AUH: variants seen among roughly 807,000 people sequenced by gnomAD.
AUH encodes the protein AU RNA binding methylglutaconyl-CoA hydratase, also known as methylglutaconyl-CoA hydratase, mitochondrial.
AUH carries 29 observed loss-of-function variants against 42.3 expected under a neutral mutation model. That is an observed-to-expected ratio of 0.69 (90% CI 0.51 to 0.93). The LOEUF is 0.93. Ranked by LOEUF, AUH falls within the 40% of genes least tolerant of loss-of-function variation. The pLI is 0.00. For synonymous variants in AUH, 174 were observed against 166.4 expected (o/e 1.05, Z -0.35); for missense variants, 452 against 438.1 (o/e 1.03, Z -0.28).
intron 6 of AUH, among the ~76,000 whole-genome samples, chr9:91,236,611 T>G (rs916047750): frequency 4.0e-5 from 6 of 151,780 alleles, no homozygotes; most frequent in African/African-American, 1.2e-4. Context: ...TGCTGCAGAG[T>G]GAGAGGCAGG....
intron 6 of AUH, among the ~76,000 whole-genome samples, chr9:91,232,012 A>C (rs956879634): frequency 6.6e-6 from 1 of 152,230 alleles, no homozygotes; most frequent in Non-Finnish European, 1.5e-5. Context: ...TTCTTACCAC[A>C]CAAAAAAAGA....
At chr9:91,278,632 G>C (rs760702913) in intron 6 of AUH, among the ~76,000 whole-genome samples, 1 of 152,206 alleles carries the variant, frequency 6.6e-6, no homozygotes, top group Non-Finnish European at 1.5e-5. Flanking sequence ...TTCTGATTAA[G>C]TGGTTGGTCA....
At chr9:91,313,349 A>G (rs995907392) in intron 4 of AUH, among the ~76,000 whole-genome samples, 8 of 152,324 alleles carry the variant, frequency 5.3e-5, no homozygotes, top group Admixed American at 5.2e-4. Context: ...ATCCATGAAC[A>G]TCCACTGGCC....
rs1832389886 is a variant in AUH at position 91,356,037 on chromosome 9, A to G, written c.330+51T>C. On this transcript the variant is annotated intron_variant, in intron 2 of 9. Transcript: ENST00000375731. ...AAAACAAAACATTTTTACATTGATG[A>G]CAATAATATATCTTAATATTAGAAG... 8 of 1,592,700 alleles carry G rather than the reference A, an allele frequency of 5.0e-6. No individual in the cohort carries two copies. The South Asian group carries it at 5.6e-5, about 11-fold the overall frequency.
chr9:91,285,102 T>C (rs1179636615), intron 6 of AUH, among the ~76,000 whole-genome samples: 1 of 152,058 alleles, frequency 6.6e-6, no homozygotes, highest in African/African-American at 2.4e-5. Context: ...AAATGTGGCA[T>C]ATACACACCA....
At chr9:91,265,427 T>C (rs1829921801) in intron 6 of AUH, among the ~76,000 whole-genome samples, 1 of 152,224 alleles carries the variant, frequency 6.6e-6, no homozygotes, top group Admixed American at 6.5e-5. Flanking sequence ...GTATTAGCTG[T>C]TTCCTTAAGG....
At chr9:91,272,266 G>A (rs891959076) in intron 6 of AUH, among the ~76,000 whole-genome samples, 1 of 152,142 alleles carries the variant, frequency 6.6e-6, no homozygotes, top group Non-Finnish European at 1.5e-5. Context: ...GTATCCAAAT[G>A]TACTTTTAAA....
At chr9:91,282,484 A>C (rs893615637) in intron 6 of AUH, among the ~76,000 whole-genome samples, 11 of 152,126 alleles carry the variant, frequency 7.2e-5, no homozygotes, top group African/African-American at 1.7e-4. Context: ...CCACATCAGC[A>C]CATGACTCAA....
rs553569444 is a variant in AUH, at chr9:91,220,573, A to G, written c.843+232T>C. Among the ~76,000 whole-genome samples, 4 of 152,314 alleles carry G rather than the reference A, an allele frequency of 2.6e-5. No homozygotes were observed. In the South Asian group the frequency reaches 6.2e-4, roughly 24 times the overall value. On this transcript the variant is annotated intron_variant, in intron 7 of 9. Coordinates refer to ENST00000375731, the MANE Select transcript of AUH (RefSeq NM_001698.3). ...GACAAGCATTGTCAAGGGATATTTT[A>G]TCAAAGTGTGGCTACAATAAGACCC...
intron 6 of AUH, among the ~76,000 whole-genome samples, chr9:91,259,433 T>C (rs1490800246): frequency 6.6e-6 from 1 of 152,058 alleles, no homozygotes; most frequent in Non-Finnish European, 1.5e-5. Flanking sequence ...AGGTTGGCTT[T>C]TTTTTTTTAA....
chr9:91,287,342 T>C (rs1390762493), intron 6 of AUH, among the ~76,000 whole-genome samples: 1 of 152,124 alleles, frequency 6.6e-6, no homozygotes, highest in Non-Finnish European at 1.5e-5. Context: ...ATTTATACAC[T>C]GATTAAATAC....
intron 6 of AUH, among the ~76,000 whole-genome samples, chr9:91,227,168 T>G (rs1039084901): frequency 1.7e-4 from 25 of 151,120 alleles, no homozygotes; most frequent in Admixed American, 6.6e-4. Flanking sequence ...ACGATATTGA[T>G]TCTTCCTACC....
chr9:91,280,003 G>A (rs936965697), intron 6 of AUH, among the ~76,000 whole-genome samples: 1 of 152,172 alleles, frequency 6.6e-6, no homozygotes, highest in African/African-American at 2.4e-5. Flanking sequence ...ATGGCATGCT[G>A]ACAGGTACAC....
chr9:91,254,961 C>T (rs1391851185), intron 6 of AUH, among the ~76,000 whole-genome samples: 1 of 152,150 alleles, frequency 6.6e-6, no homozygotes, highest in Non-Finnish European at 1.5e-5. Context: ...ACCTGGTATA[C>T]AGCATAAACT....
In AUH at chr9:91,238,058, A is replaced by G. The variant is rs550727569; in HGVS notation, c.656-17066T>C. ...CACTACATGGGCTACTGGATTGCCA[A>G]CATTTTCAGTGTCCGTTTTATACTA... is the stretch of plus-strand genomic sequence containing the variant. On this transcript the variant is annotated intron_variant, in intron 6 of 9. Transcript: ENST00000375731. Among the ~76,000 whole-genome samples, 5 of 152,332 alleles carry G rather than the reference A, an allele frequency of 3.3e-5. No individual in the cohort carries two copies. In the South Asian group the frequency reaches 1.0e-3, roughly 32 times the overall value.
At chr9:91,229,928 G>C (rs968982414) in intron 6 of AUH, among the ~76,000 whole-genome samples, 7 of 152,176 alleles carry the variant, frequency 4.6e-5, no homozygotes, top group African/African-American at 1.7e-4. Flanking sequence ...GAGATTCGCT[G>C]TTAAGTCTGA....
chr9:91,311,529 T>C (rs917359589), intron 4 of AUH, among the ~76,000 whole-genome samples: 4 of 152,246 alleles, frequency 2.6e-5, no homozygotes, highest in Non-Finnish European at 4.4e-5. Context: ...TAGGTAACAA[T>C]TCTTTGATGT....
chr9:91,347,087 A>G (rs1831569050), intron 3 of AUH, among the ~76,000 whole-genome samples: 2 of 152,004 alleles, frequency 1.3e-5, no homozygotes, highest in African/African-American at 4.8e-5. Context: ...CCCACGCTGG[A>G]GCACAGTGGC....
chr9:91,254,119 C>A (rs572832190), intron 6 of AUH, among the ~76,000 whole-genome samples: 11 of 152,288 alleles, frequency 7.2e-5, no homozygotes, highest in African/African-American at 2.6e-4. Flanking sequence ...GTCTTCAGTG[C>A]ACAGGCCTCT....
Sources: gnomAD v4.1 joint callset for allele counts (sites outside exome capture counted in the v4.1 genomes callset) on GRCh38, gnomAD v4.1.1 for gene constraint, MANE v1.5 for transcripts, NCBI Gene and HGNC (gene_info 2026-07-23, HGNC 2026-07-21) for gene names.